The following USO1 variants were observed in gnomAD, a reference collection of about 807,000 sequenced individuals.
USO1 encodes the protein general vesicular transport factor p115.
A neutral mutation model predicts 124.5 loss-of-function variants in USO1; 57 were observed. That is an observed-to-expected ratio of 0.46 (90% CI 0.37 to 0.57). The LOEUF is 0.57. USO1 is among the 20% of genes least tolerant of loss of function. The pLI, the probability that USO1 is intolerant of heterozygous loss-of-function variation, is 0.00. For missense variants in USO1, 900 were observed against 1,040.6 expected, an observed-to-expected ratio of 0.86 and a Z score of 1.86; for synonymous variants, 369 against 362.8, an observed-to-expected ratio of 1.02 and a Z score of -0.19.
chr4:75,728,795 T>G (rs1306720374), intron 1 of USO1, among the ~76,000 whole-genome samples: 1 of 152,204 alleles, frequency 6.6e-6, no homozygotes, highest in Admixed American at 6.5e-5. Context: ...CTTTTGTTTT[T>G]GTTTTTGTTT....
chr4:75,770,606 T>C, intron 5 of USO1, 67 bp downstream of exon 5: 1 of 1,509,998 alleles, frequency 6.6e-7, no homozygotes, highest in Non-Finnish European at 8.9e-7. Flanking sequence ...TGGATGTTAT[T>C]GAGGAAGTAA....
intron 13 of USO1, among the ~76,000 whole-genome samples, chr4:75,798,786 T>TTAC (rs1722761356): frequency 6.6e-6 from 1 of 152,142 alleles, no homozygotes; most frequent in African/African-American, 2.4e-5. Context: ...AAGTGATGCA[T>TTAC]TACTATTCTG....
In USO1 at chr4:75,812,092, A is replaced by G. The variant is rs1300642139; in HGVS notation, c.2584-68A>G. 7 of 1,537,932 alleles carry G rather than the reference A, an allele frequency of 4.6e-6. No individual in the cohort carries two copies. In the East Asian group the frequency reaches 9.8e-5, roughly 21 times the overall value. On this transcript the variant is annotated intron_variant, in intron 22 of 23. Coordinates refer to ENST00000514213, the MANE Select transcript of USO1 (RefSeq NM_003715.4). ...CAGTGATTTGTCATAGAAAGAAACT[A>G]TTTGTTAAAAACTCTAGGAAAGTGA...
intron 7 of USO1, among the ~76,000 whole-genome samples, chr4:75,773,618 G>C (rs1721994512): frequency 6.6e-6 from 1 of 152,092 alleles, no homozygotes; most frequent in African/African-American, 2.4e-5. Context: ...ATAACTCAGA[G>C]CCTAAATATT....
intron 3 of USO1, among the ~76,000 whole-genome samples, chr4:75,754,113 G>A (rs1424824228): frequency 1.0e-4 from 14 of 135,268 alleles, no homozygotes; most frequent in Non-Finnish European, 1.9e-4. Flanking sequence ...ATAGAGTTTC[G>A]CTCTCATTGC....
In USO1 at chr4:75,724,739, G is replaced by T. The variant is rs1344413421; in HGVS notation, c.-81G>T. ...GGAGTGTGTAGAGTGCGGGATTGGGGCCCAGGCCCTGCGGAGGGCGGGGGA... is the reference window on the plus strand; with the variant it reads ...GGAGTGTGTAGAGTGCGGGATTGGGTCCCAGGCCCTGCGGAGGGCGGGGGA... On this transcript the variant is annotated 5_prime_UTR_variant, in exon 1 of 24. Transcript: ENST00000514213. The T allele has an allele frequency of 6.8e-7, 1 of 1,460,616 alleles. No individual in the cohort carries two copies. The allele number at this position is 1,460,616 out of a possible 1,614,324, so 90.5% of individuals were successfully genotyped here.
intron 8 of USO1, among the ~76,000 whole-genome samples, chr4:75,782,204 T>A (rs1722239585): frequency 6.6e-6 from 1 of 152,214 alleles, no homozygotes; most frequent in South Asian, 2.1e-4. Context: ...AACAAATGTT[T>A]AATAGTTAAG....
At chr4:75,740,823 G>A (rs1178111501) in intron 1 of USO1, among the ~76,000 whole-genome samples, 1 of 152,112 alleles carries the variant, frequency 6.6e-6, no homozygotes, top group African/African-American at 2.4e-5. Flanking sequence ...AAATCAGTAT[G>A]TAGTCTAAAA....
intron 22 of USO1, among the ~76,000 whole-genome samples, chr4:75,810,747 T>G (rs1157408305): frequency 2.0e-5 from 3 of 152,202 alleles, no homozygotes. Context: ...GTTTTGTTTT[T>G]TTGAGATGGA....
intron 12 of USO1, 109 bp downstream of exon 12, chr4:75,790,906 G>T: frequency 4.7e-6 from 6 of 1,273,358 alleles, no homozygotes; most frequent in Non-Finnish European, 6.1e-6. Context: ...TGCATGCTTA[G>T]GAGAGAAAAA....
chr4:75,763,168 T>C (rs1478415717), intron 4 of USO1, among the ~76,000 whole-genome samples: 1 of 152,180 alleles, frequency 6.6e-6, no homozygotes, highest in African/African-American at 2.4e-5. Context: ...CTACTAGAAA[T>C]ACATTTGAAG....
chr4:75,755,426 A>C (rs768344146), intron 3 of USO1: 5 of 519,090 alleles, frequency 9.6e-6, no homozygotes, highest in Non-Finnish European at 3.9e-6. Context: ...TCATTCTCTC[A>C]TTTAATGCAT....
intron 7 of USO1, among the ~76,000 whole-genome samples, chr4:75,773,542 A>G (rs1184465208): frequency 1.3e-5 from 2 of 152,016 alleles, no homozygotes; most frequent in Admixed American, 6.6e-5. Context: ...TTTTTATTTC[A>G]TTAGTTTTTG....
intron 4 of USO1, among the ~76,000 whole-genome samples, chr4:75,766,560 G>A (rs1296390137): frequency 6.6e-6 from 1 of 152,154 alleles, no homozygotes; most frequent in African/African-American, 2.4e-5. Context: ...CAACAAAGAC[G>A]TACCTGGCCA....
intron 8 of USO1, among the ~76,000 whole-genome samples, chr4:75,778,069 A>G (rs1203335654): frequency 6.6e-6 from 1 of 152,202 alleles, no homozygotes; most frequent in Non-Finnish European, 1.5e-5. Context: ...TGCTGAGTGA[A>G]ATAAACCAGT....
rs115146162 is a variant in USO1 at position 75,754,419 on chromosome 4, G to T, written c.218+1815G>T. On this transcript the variant is annotated intron_variant, in intron 3 of 23. Transcript: ENST00000514213. ...TTTAAGAGATTTTATCTCCATCTTTGGTTTTCATTAACTGTGCATGGATAG... is the reference window on the plus strand; with the variant it reads ...TTTAAGAGATTTTATCTCCATCTTTTGTTTTCATTAACTGTGCATGGATAG... Among the ~76,000 whole-genome samples, 899 of 152,152 alleles carry T rather than the reference G, an allele frequency of 5.9e-3. 15 individuals carry two copies. The highest frequency in any genetic ancestry group is 0.021 in the African/African-American group (853 of 41,504).
At chr4:75,794,012 G>C (rs1455721892) in intron 13 of USO1, 111 bp downstream of exon 13, 1 of 1,443,492 alleles carries the variant, frequency 6.9e-7, no homozygotes, top group Non-Finnish European at 9.2e-7. Flanking sequence ...GACTTATTCT[G>C]TTTATTAGTT....
chr4:75,745,452 C>G, intron 1 of USO1: 2 of 464,836 alleles, frequency 4.3e-6, no homozygotes, highest in Non-Finnish European at 8.6e-6. Flanking sequence ...AACAGATACT[C>G]TGACTCATAT....
intron 11 of USO1, 63 bp from the exon 12 acceptor site, chr4:75,790,580 T>C (rs896667404): frequency 2.6e-6 from 4 of 1,543,314 alleles, no homozygotes; most frequent in Non-Finnish European, 2.6e-6. Flanking sequence ...AAATGACTAG[T>C]TATTGACTTG....
Sources: gnomAD v4.1 joint callset for allele counts (sites outside exome capture counted in the v4.1 genomes callset) on GRCh38, gnomAD v4.1.1 for gene constraint, MANE v1.5 for transcripts, NCBI Gene and HGNC (gene_info 2026-07-23, HGNC 2026-07-21) for gene names.